The following SRSF10 variants were observed in gnomAD, a reference collection of about 807,000 sequenced individuals.
The protein encoded by SRSF10 is serine and arginine rich splicing factor 10.
In SRSF10, 9 loss-of-function variants were observed where a neutral mutation model predicts 32.6. That is an observed-to-expected ratio of 0.28 (90% confidence interval 0.17 to 0.48). The LOEUF (loss-of-function observed/expected upper bound fraction) is 0.48. SRSF10 is among the 20% of genes least tolerant of loss of function. The pLI is 0.99. For synonymous variants in SRSF10, 105 were observed against 112.4 expected (o/e 0.93, Z 0.42); for missense variants, 201 against 331.8 (o/e 0.61, Z 3.06).
Position 23,969,189 on chromosome 1 carries a change from A to G in SRSF10, c.*1953T>C, listed in dbSNP as rs1252770677. ...ATTGATGTTTTAAAGGTTGTACACA[A>G]TATTTGTTAAAAAGAACATATAAAA... On this transcript the variant is annotated 3_prime_UTR_variant, in exon 6 of 6. Transcript: ENST00000492112. The G allele has an allele frequency of 3.0e-6, 3 of 985,062 alleles. No homozygotes were observed. Among genetic ancestry groups the G allele is most frequent in the Non-Finnish European group, 3.6e-6 (3 of 829,198 alleles). 61.0% of individuals were successfully genotyped at this position (985,062 alleles called of 1,614,324 possible).
At position 23,971,181 on chromosome 1, in the gene SRSF10, TCTAGATTTTGAC is replaced by T. The variant is rs1275034702; in HGVS notation, c.738_749del (p.Lys248_Ser251del). The T allele has an allele frequency of 1.6e-4, 259 of 1,613,782 alleles. 1 individual carries two copies. The African/African-American group carries it at 3.3e-3, about 21-fold the overall frequency. On this transcript the variant is annotated inframe_deletion, in exon 6 of 6. Transcript: ENST00000492112. ...ACTTAGGACTAGTCCAAGACCTTGATCTAGATTTTGACCTAGACCTAGACTGTGATCTTGACT... is the reference window on the plus strand; with the variant it reads ...ACTTAGGACTAGTCCAAGACCTTGATCTAGACCTAGACTGTGATCTTGACT...
rs904414442 is a variant in SRSF10 at position 23,971,074 on chromosome 1, T to C, written c.*68A>G. 18 of 1,523,220 alleles carry C rather than the reference T, an allele frequency of 1.2e-5. No homozygotes were observed. The African/African-American group carries it at 2.5e-4, about 21-fold the overall frequency. The allele number at this position is 1,523,220 out of a possible 1,614,324, so 94.4% of individuals were successfully genotyped here. Reference sequence around the variant, plus strand: ...CATCATTGCAACATTGTATTCCTGATAATTTAAGTAAACCAAACTATGAGT... The same window carrying C: ...CATCATTGCAACATTGTATTCCTGACAATTTAAGTAAACCAAACTATGAGT... On this transcript the variant is annotated 3_prime_UTR_variant, in exon 6 of 6. Transcript: ENST00000492112.
intron 3 of SRSF10, among the ~76,000 whole-genome samples, chr1:23,974,714 A>G (rs1003726767): frequency 4.6e-5 from 7 of 152,032 alleles, no homozygotes; most frequent in Non-Finnish European, 1.0e-4. Flanking sequence ...CTGTAATCCC[A>G]GCTACTCGGA....
chr1:23,972,057 G>C lies in SRSF10; in HGVS notation c.275-45C>G, dbSNP rs1181418347. The C allele has an allele frequency of 4.9e-6, 7 of 1,414,152 alleles. No homozygotes were observed. In the East Asian group the frequency reaches 1.3e-4, roughly 26 times the overall value. The allele number at this position is 1,414,152 out of a possible 1,614,324, so 87.6% of individuals were successfully genotyped here. On this transcript the variant is annotated intron_variant, in intron 3 of 5. Coordinates refer to ENST00000492112, the MANE Select transcript of SRSF10 (RefSeq NM_054016.4). ...GAAATATTTAAAAATATTAAAAACA[G>C]TATTAAAGCCCTCAATAAATAGGGA...
At chr1:23,972,976 G>C (rs891391302) in intron 3 of SRSF10, among the ~76,000 whole-genome samples, 2 of 151,964 alleles carry the variant, frequency 1.3e-5, no homozygotes, top group African/African-American at 4.8e-5. Flanking sequence ...CTGACCTCAG[G>C]TGATCTGCCC....
intron 2 of SRSF10, chr1:23,975,330 ATC>A (rs1326398891): frequency 9.7e-6 from 4 of 414,490 alleles, no homozygotes; most frequent in Non-Finnish European, 1.3e-5. Flanking sequence ...TTGAAATAAG[ATC>A]TGTTATAGCT....
chr1:23,969,736 A>C lies in SRSF10; in HGVS notation c.*1406T>G. ...AATACTAGAAATTATAAATGGTTTA[A>C]GGGTATTACTTCATTTTTAGTCAGG... On this transcript the variant is annotated 3_prime_UTR_variant, in exon 6 of 6. Coordinates refer to ENST00000492112, the MANE Select transcript of SRSF10 (RefSeq NM_054016.4). The C allele has an allele frequency of 1.0e-6, 1 of 985,400 alleles. No individual in the cohort carries two copies. 61.0% of individuals were successfully genotyped at this position (985,400 alleles called of 1,614,324 possible).
chr1:23,967,847 A>T lies in SRSF10; in HGVS notation c.*3295T>A. ...GCCAAATTTTCAAGAGAATAATACAATAGTTCCCAGGTCTTTCCCCTGGGA... is the reference window on the plus strand; with the variant it reads ...GCCAAATTTTCAAGAGAATAATACATTAGTTCCCAGGTCTTTCCCCTGGGA... On this transcript the variant is annotated 3_prime_UTR_variant, in exon 6 of 6. Transcript: ENST00000492112. 6.4e-7 allele frequency: 1 copy of T among 1,555,846 alleles called. No homozygotes were observed. The highest frequency in any genetic ancestry group is 8.7e-7 in the Non-Finnish European group (1 of 1,148,810).
At chr1:23,972,205 T>C (rs1641799929) in intron 3 of SRSF10, among the ~76,000 whole-genome samples, 193 bp from the exon 4 acceptor site, 1 of 152,082 alleles carries the variant, frequency 6.6e-6, no homozygotes, top group Admixed American at 6.5e-5. Flanking sequence ...GCCCAGGAGT[T>C]TGAGACCAGC....
In SRSF10 at chr1:23,974,951, A is replaced by G. The variant is rs564978951; in HGVS notation, c.274+23T>C. ...AACACTAAAAAATAATGTTTCATAC[A>G]TATCAGGCATAAGGGTACTTACTCT... On this transcript the variant is annotated intron_variant, in intron 3 of 5. Transcript: ENST00000492112. The G allele has an allele frequency of 4.6e-6, 7 of 1,508,602 alleles. No homozygotes were observed. In the Admixed American group the frequency reaches 5.1e-5, roughly 11 times the overall value. 93.5% of individuals were successfully genotyped at this position (1,508,602 alleles called of 1,614,324 possible). A position where few individuals can be genotyped will look rare whatever the true frequency, so the allele number is the denominator to read the frequency against.
chr1:23,971,462 T>C, intron 5 of SRSF10, 23 bp from the exon 6 acceptor site: 1 of 1,592,556 alleles, frequency 6.3e-7, no homozygotes, highest in South Asian at 1.2e-5. Context: ...AGGAGAGATA[T>C]AATTAGAGTA....
At chr1:23,979,120 G>A (rs949871424) in intron 1 of SRSF10, among the ~76,000 whole-genome samples, 1 of 138,636 alleles carries the variant, frequency 7.2e-6, no homozygotes, top group Non-Finnish European at 1.5e-5. Flanking sequence ...AAAATACCAA[G>A]CACTTATTTT....
rs1641503198 is a variant in SRSF10 at position 23,967,375 on chromosome 1, C to T, written c.*3767G>A. 1 of 292,376 alleles carries T rather than the reference C, an allele frequency of 3.4e-6. No individual in the cohort carries two copies. Among genetic ancestry groups the T allele is most frequent in the Non-Finnish European group, 6.4e-6 (1 of 156,174 alleles). The allele number at this position is 292,376 out of a possible 1,614,324, so 18.1% of individuals were successfully genotyped here. On this transcript the variant is annotated 3_prime_UTR_variant, in exon 6 of 6. Coordinates refer to ENST00000492112, the MANE Select transcript of SRSF10 (RefSeq NM_054016.4). The stretch of plus-strand genomic sequence containing the variant: ...ATGGCTGTCTTCCTTGATATTCAGA[C>T]ATCCTAGTTTCCAATAATTTATTAT...
In SRSF10 at chr1:23,967,666, G is replaced by A; in HGVS notation, c.*3476C>T. The A allele has an allele frequency of 6.3e-7, 1 of 1,575,644 alleles. No individual in the cohort carries two copies. Among genetic ancestry groups the A allele is most frequent in the Middle Eastern group, 1.7e-4 (1 of 5,890 alleles). ...TTCTTTGGTTCTTTTTCCGCTTTCAGATCTTTCTTGAAGTGTAGTAAGCAG... is the reference window on the plus strand; with the variant it reads ...TTCTTTGGTTCTTTTTCCGCTTTCAAATCTTTCTTGAAGTGTAGTAAGCAG... On this transcript the variant is annotated 3_prime_UTR_variant, in exon 6 of 6. Coordinates refer to ENST00000492112, the MANE Select transcript of SRSF10 (RefSeq NM_054016.4).
At position 23,968,496 on chromosome 1, in the gene SRSF10, T is replaced by C. The variant is rs1440648938; in HGVS notation, c.*2646A>G. ...TTCCTTATCTGTGATATGGGGAAAA[T>C]AAAAGTATCTTTCTCATAAGGTTTT... On this transcript the variant is annotated 3_prime_UTR_variant, in exon 6 of 6. Transcript: ENST00000492112. 7.0e-6 allele frequency among the ~76,000 whole-genome samples: 1 copy of C among 143,624 alleles called. No individual in the cohort carries two copies. Among genetic ancestry groups the C allele is most frequent in the African/African-American group, 2.6e-5 (1 of 38,384 alleles). The allele number at this position is 143,624 out of a possible 152,430, so 94.2% of individuals were successfully genotyped here.
At chr1:23,978,844 T>G in intron 1 of SRSF10, 27 bp from the exon 2 acceptor site, 1 of 1,589,182 alleles carries the variant, frequency 6.3e-7, no homozygotes, top group Non-Finnish European at 8.6e-7. Flanking sequence ...AGACCTCAAA[T>G]TTTTATGTCC....
intron 2 of SRSF10, 191 bp from the exon 3 acceptor site, chr1:23,975,268 C>A: frequency 1.8e-6 from 1 of 544,376 alleles, no homozygotes; most frequent in Non-Finnish European, 3.3e-6. Context: ...CTTGTGATTT[C>A]CTAAGGCACA....
rs202230939 is a variant in SRSF10 at position 23,970,550 on chromosome 1, G to A, written c.*592C>T. 5 of 555,760 alleles carry A rather than the reference G, an allele frequency of 9.0e-6. No individual in the cohort carries two copies. Among genetic ancestry groups the A allele is most frequent in the African/African-American group, 4.1e-5 (2 of 48,604 alleles). 34.4% of individuals were successfully genotyped at this position (555,760 alleles called of 1,614,324 possible). A position where few individuals can be genotyped will look rare whatever the true frequency, so the allele number is the denominator to read the frequency against. Reference sequence around the variant, plus strand: ...TAATTTTTGTATTTTTAGTAGAGACGGGGTTTCACCGTGTTGGTCAGGCTG... The same window carrying A: ...TAATTTTTGTATTTTTAGTAGAGACAGGGTTTCACCGTGTTGGTCAGGCTG... On this transcript the variant is annotated 3_prime_UTR_variant, in exon 6 of 6. Coordinates refer to ENST00000492112, the MANE Select transcript of SRSF10 (RefSeq NM_054016.4).
rs769490515 is a variant in SRSF10, at chr1:23,967,993, G to A, written c.*3149C>T. 4.2e-5 allele frequency: 64 copies of A among 1,535,208 alleles called. No individual in the cohort carries two copies. In the African/African-American group the frequency reaches 8.3e-4, roughly 20 times the overall value. On this transcript the variant is annotated 3_prime_UTR_variant, in exon 6 of 6. Coordinates refer to ENST00000492112, the MANE Select transcript of SRSF10 (RefSeq NM_054016.4). ...AAAAAAAAATGCAGAGAGATCTTAA[G>A]TAAAAGGAGAGGTGAAGTGTGTCAG...
Sources: allele counts gnomAD v4.1 joint callset (sites outside exome capture counted in the v4.1 genomes callset), GRCh38; gene constraint gnomAD v4.1.1; transcripts MANE v1.5; gene names NCBI Gene and HGNC (gene_info 2026-07-23, HGNC 2026-07-21).